NR1D2: variants seen among roughly 807,000 people sequenced by gnomAD.
The protein encoded by NR1D2 is V-erbA-related protein 1-related.
In NR1D2, 25 loss-of-function variants were observed where a neutral mutation model predicts 52.2. The observed-to-expected ratio is 0.48, with a 90% CI of 0.35 to 0.67. NR1D2 has a LOEUF of 0.67. Among genes scored for constraint, NR1D2 ranks in the 30% least tolerant of loss-of-function variants. NR1D2 has a pLI of 0.01. For synonymous variants in NR1D2, 259 were observed against 230.1 expected, an observed-to-expected ratio of 1.13 and a Z score of -1.14; for missense variants, 681 against 707.2, an observed-to-expected ratio of 0.96 and a Z score of 0.42.
intron 1 of NR1D2, among the ~76,000 whole-genome samples, chr3:23,950,804 T>C (rs1383559181): frequency 6.6e-6 from 1 of 152,198 alleles, no homozygotes; most frequent in East Asian, 1.9e-4. Context: ...GTTTTTTGGT[T>C]AATTAATTAC....
Position 23,962,347 on chromosome 3 carries a change from A to G in NR1D2, c.888A>G (p.Leu296=). 1 of 1,614,172 alleles carries G rather than the reference A, an allele frequency of 6.2e-7. No homozygotes were observed. Among genetic ancestry groups the G allele is most frequent in the Non-Finnish European group, 8.5e-7 (1 of 1,180,018 alleles). Reference sequence around the variant, plus strand: ...CCAAGAACATGGAGCAATATAATTTAAATCATGATCATTGCGGCAATGGGC... The same window carrying G: ...CCAAGAACATGGAGCAATATAATTTGAATCATGATCATTGCGGCAATGGGC... ...RIPKNMEQYN[L]NHDHCGNGLS... The change falls in exon 5 of 8, where the codon TTA becomes TTG. Residue 296 remains leucine, a synonymous_variant. Transcript: ENST00000312521.
At chr3:23,946,136 G>A in intron 1 of NR1D2, 10 of 985,104 alleles carry the variant, frequency 1.0e-5, no homozygotes, top group Non-Finnish European at 1.2e-5. Context: ...CTCCCCCGCG[G>A]GGTTGCACAC....
At position 23,979,225 on chromosome 3, in the gene NR1D2, A is replaced by C. The variant is rs528151436; in HGVS notation, c.*1806A>C. 3.9e-5 allele frequency: 6 copies of C among 152,264 alleles called. No homozygotes were observed. The South Asian group carries it at 1.2e-3, about 32-fold the overall frequency. 9.4% of individuals were successfully genotyped at this position (152,264 alleles called of 1,614,324 possible). ...GAGGAAAGGCGATGGTGATGTCTGT[A>C]GTACAATATAAACCATAATTGTGAT... On this transcript the variant is annotated 3_prime_UTR_variant, in exon 8 of 8. Transcript: ENST00000312521.
chr3:23,949,995 G>A lies in NR1D2; in HGVS notation c.16+4401G>A, dbSNP rs146997495. 1.5e-3 allele frequency among the ~76,000 whole-genome samples: 235 copies of A among 152,328 alleles called. 1 individual carries two copies. Among genetic ancestry groups the A allele is most frequent in the African/African-American group, 5.5e-3 (227 of 41,572 alleles). ...GCCCTAGCCTGGGAACCTGGCCCAG[G>A]TCCAGGGTCCCTTTCAACTGAAAAT... On this transcript the variant is annotated intron_variant, in intron 1 of 7. Transcript: ENST00000312521.
At chr3:23,948,112 C>T (rs996449000) in intron 1 of NR1D2, among the ~76,000 whole-genome samples, 8 of 141,726 alleles carry the variant, frequency 5.6e-5, no homozygotes, top group African/African-American at 2.2e-4. Context: ...AGCGAGACTC[C>T]CATCTCAAAA....
At chr3:23,970,121 T>A (rs1314098762) in intron 7 of NR1D2, among the ~76,000 whole-genome samples, 3 of 152,220 alleles carry the variant, frequency 2.0e-5, no homozygotes, top group Non-Finnish European at 4.4e-5. Context: ...AACAAAGTGA[T>A]GTTTAACATT....
chr3:23,946,308 C>T (rs1030198909), intron 1 of NR1D2: 1 of 984,748 alleles, frequency 1.0e-6, no homozygotes, highest in African/African-American at 1.7e-5. Context: ...CCTGGGGAGG[C>T]TGGTAGCTGC....
chr3:23,951,784 G>T (rs1480765681), intron 1 of NR1D2, among the ~76,000 whole-genome samples: 3 of 152,204 alleles, frequency 2.0e-5, no homozygotes, highest in Non-Finnish European at 2.9e-5. Context: ...CTGAGGATGT[G>T]TTCTCGTCTG....
intron 7 of NR1D2, among the ~76,000 whole-genome samples, chr3:23,970,007 G>A (rs1031572365): frequency 6.6e-6 from 1 of 152,180 alleles, no homozygotes; most frequent in Admixed American, 6.6e-5. Context: ...GGGAGCACCA[G>A]GTTATGGACT....
In NR1D2 at chr3:23,979,488, C is replaced by G. The variant is rs1215139701; in HGVS notation, c.*2069C>G. ...ACATGTATCTTTAAAACAATTAAGTCTTTAGGAATGTGTAACCAGAACTAT... is the reference window on the plus strand; with the variant it reads ...ACATGTATCTTTAAAACAATTAAGTGTTTAGGAATGTGTAACCAGAACTAT... On this transcript the variant is annotated 3_prime_UTR_variant, in exon 8 of 8. Coordinates refer to ENST00000312521, the MANE Select transcript of NR1D2 (RefSeq NM_005126.5). The G allele has an allele frequency of 1.3e-5, 2 of 151,934 alleles. No homozygotes were observed. Among genetic ancestry groups the G allele is most frequent in the African/African-American group, 4.8e-5 (2 of 41,390 alleles). The allele number at this position is 151,934 out of a possible 1,614,324, so 9.4% of individuals were successfully genotyped here. A position where few individuals can be genotyped will look rare whatever the true frequency, so the allele number is the denominator to read the frequency against.
Position 23,956,844 on chromosome 3 carries a change from A to G in NR1D2, c.372+719A>G, listed in dbSNP as rs138452903. Among the ~76,000 whole-genome samples the G allele has an allele frequency of 3.8e-3, 579 of 152,276 alleles. 3 individuals are homozygous for G. Among genetic ancestry groups the G allele is most frequent in the African/African-American group, 0.013 (544 of 41,542 alleles). ...TATCAAAAATTAACGTGATGAAGAC[A>G]CATGTTCTTGCTGTTCTCTGACTTG... On this transcript the variant is annotated intron_variant, in intron 3 of 7. Transcript: ENST00000312521.
chr3:23,952,369 T>C (rs1705956253), intron 1 of NR1D2, among the ~76,000 whole-genome samples: 1 of 152,120 alleles, frequency 6.6e-6, no homozygotes, highest in South Asian at 2.1e-4. Context: ...GTTAGTGATA[T>C]TTTTGTCTTA....
chr3:23,966,276 G>A lies in NR1D2; in HGVS notation c.1332+1114G>A, dbSNP rs1392717945. On this transcript the variant is annotated intron_variant, in intron 6 of 7. Transcript: ENST00000312521. ...CACTTCTCCCTGGATTTATTATAAC[G>A]GAGGGAGTGAGATAACTAAGTAATA... Among the ~76,000 whole-genome samples, 4 of 152,332 alleles carry A rather than the reference G, an allele frequency of 2.6e-5. No individual in the cohort carries two copies. The East Asian group carries it at 5.8e-4, about 22-fold the overall frequency.
chr3:23,946,063 A>G (rs946684337), intron 1 of NR1D2: 15 of 977,668 alleles, frequency 1.5e-5, no homozygotes, highest in African/African-American at 3.5e-5. Context: ...GGAGCGCCGC[A>G]GCCTCCCGGG....
intron 1 of NR1D2, 80 bp downstream of exon 1, chr3:23,945,674 A>G (rs1243147256): frequency 1.8e-5 from 4 of 222,062 alleles, no homozygotes; most frequent in Non-Finnish European, 2.7e-5. Flanking sequence ...GGGCGGCGGC[A>G]GGGGGTGTCC....
In NR1D2 at chr3:23,945,527, G is replaced by GGCT. The variant is rs1173765850; in HGVS notation, c.-52_-51insGCT. 1 of 1,109,866 alleles carries GGCT rather than the reference G, an allele frequency of 9.0e-7. No homozygotes were observed. The highest frequency in any genetic ancestry group is 1.1e-6 in the Non-Finnish European group (1 of 900,808). 68.8% of individuals were successfully genotyped at this position (1,109,866 alleles called of 1,614,324 possible). ...GCGGCGCTGAGGCGGCGGCGGCGGC[G>GGCT]CTGCCCCCTCTGCGGGAAGCGGGCG... On this transcript the variant is annotated 5_prime_UTR_variant, in exon 1 of 8. Coordinates refer to ENST00000312521, the MANE Select transcript of NR1D2 (RefSeq NM_005126.5).
In NR1D2 at chr3:23,967,826, G is replaced by A. The variant is rs753511124; in HGVS notation, c.1346G>A (p.Arg449Gln). The A allele has an allele frequency of 1.2e-6, 2 of 1,613,006 alleles. No homozygotes were observed. The highest frequency in any genetic ancestry group is 8.5e-7 in the Non-Finnish European group (1 of 1,179,540). Residue 449 changes from arginine to glutamine, a missense_variant, in exon 7 of 8, where the codon CGG becomes CAG. Around this residue, in one of 3 missense-constraint regions of NR1D2, gnomAD observed 475 missense variants for 454.5 expected, o/e 1.05. Coordinates refer to ENST00000312521, the MANE Select transcript of NR1D2 (RefSeq NM_005126.5). ...KAGTFEVLMV[R>Q]FASLFDAKER... Reference sequence around the variant, plus strand: ...TTCTTTTTCCAGGTTTTAATGGTACGGTTCGCATCATTATTTGATGCAAAG... The same window carrying A: ...TTCTTTTTCCAGGTTTTAATGGTACAGTTCGCATCATTATTTGATGCAAAG...
At chr3:23,951,933 T>C (rs965544951) in intron 1 of NR1D2, among the ~76,000 whole-genome samples, 2 of 152,236 alleles carry the variant, frequency 1.3e-5, no homozygotes, top group African/African-American at 4.8e-5. Flanking sequence ...TTGGAGTTTT[T>C]AGATTTTAGA....
chr3:23,951,045 A>G (rs540647764), intron 1 of NR1D2, among the ~76,000 whole-genome samples: 1 of 151,608 alleles, frequency 6.6e-6, no homozygotes, highest in Non-Finnish European at 1.5e-5. Flanking sequence ...AGCTGGGATT[A>G]CAGGCATGCG....
Sources: allele counts gnomAD v4.1 joint callset (sites outside exome capture counted in the v4.1 genomes callset), GRCh38; gene constraint gnomAD v4.1.1; regional missense constraint gnomAD v4.1.1; transcripts MANE v1.5; gene names NCBI Gene and HGNC (gene_info 2026-07-23, HGNC 2026-07-21).